NNMT: variants seen among roughly 807,000 people sequenced by gnomAD.
NNMT encodes the protein nicotinamide N-methyltransferase.
NNMT carries 10 observed loss-of-function variants against 11.7 expected under a neutral mutation model. The ratio of observed to expected loss-of-function variants is 0.85; its 90% confidence interval spans 0.53 to 1.45. The LOEUF (loss-of-function observed/expected upper bound fraction) is 1.45, where lower values mean the gene tolerates loss of function less well. Ranked by LOEUF, NNMT falls within the 40% of genes most tolerant of loss-of-function variation. The probability of loss-of-function intolerance (pLI) is 0.00; values close to 1 mark genes in which losing one functional copy is unlikely to be tolerated. For missense variants in NNMT, 381 were observed against 319.4 expected, an observed-to-expected ratio of 1.19 and a Z score of -1.47; for synonymous variants, 143 against 133.8, an observed-to-expected ratio of 1.07 and a Z score of -0.48.
chr11:114,295,549 C>T (rs1446155825), upstream of NNMT, among the ~76,000 whole-genome samples: 1 of 151,276 alleles, frequency 6.6e-6, no homozygotes, highest in Admixed American at 6.6e-5. Context: ...CTCAGCCTCC[C>T]AAGTAGCTGG....
chr11:114,299,825 C>T (rs1158418974), intron 2 of NNMT, among the ~76,000 whole-genome samples: 1 of 150,752 alleles, frequency 6.6e-6, no homozygotes, highest in African/African-American at 2.4e-5. Context: ...CCTTTTAATA[C>T]CTTATTATGT....
rs533183539 is a variant in NNMT at position 114,259,722 on chromosome 11, A to G, written c.-217+1844A>G. ...AAGTGAACTCGCTCATTTAAACCTG[A>G]CTCTGCCGCCCTGCAGCCCCCTGCA... On this transcript the variant is annotated intron_variant, in intron 1 of 4. Transcript: ENST00000535401. Among the ~76,000 whole-genome samples, 5 of 152,050 alleles carry G rather than the reference A, an allele frequency of 3.3e-5. No homozygotes were observed. The East Asian group carries it at 5.8e-4, about 18-fold the overall frequency.
intron 2 of NNMT, among the ~76,000 whole-genome samples, chr11:114,310,600 A>G (rs1230198191): frequency 6.6e-6 from 1 of 152,232 alleles, no homozygotes; most frequent in Non-Finnish European, 1.5e-5. Flanking sequence ...ATGTGGGGCC[A>G]TCTCTGCTGT....
At chr11:114,291,046 T>C (rs1053532190) in intron 2 of NNMT, among the ~76,000 whole-genome samples, 6 of 152,236 alleles carry the variant, frequency 3.9e-5, no homozygotes, top group Non-Finnish European at 7.3e-5. Context: ...ATATTTTGCT[T>C]GTGATTCACT....
At position 114,258,083 on chromosome 11, in the gene NNMT, G is replaced by A. The variant is rs367866349; in HGVS notation, c.-217+205G>A. Among the ~76,000 whole-genome samples, 30 of 152,278 alleles carry A rather than the reference G, an allele frequency of 2.0e-4. No individual in the cohort carries two copies. The East Asian group carries it at 2.1e-3, about 11-fold the overall frequency. ...CCCACTGCCGCCCCCTGCCAGCCCC[G>A]GCTGCCACTGCCCTCTGCCCCAACC... On this transcript the variant is annotated intron_variant, in intron 1 of 4. Coordinates refer to the NNMT transcript ENST00000535401.
chr11:114,272,322 G>T (rs1488523645), intron 2 of NNMT, among the ~76,000 whole-genome samples: 2 of 152,186 alleles, frequency 1.3e-5, no homozygotes, highest in Admixed American at 6.5e-5. Flanking sequence ...GATTAAGTCA[G>T]AAGCTCATCT....
In NNMT at chr11:114,259,421, G is replaced by A. The variant is rs909510717; in HGVS notation, c.-217+1543G>A. Reference sequence around the variant, plus strand: ...ATAGACCACCTGACCCGTGTCTGCCGCATGCCAGAGGAAGGAGCAGGAGGC... The same window carrying A: ...ATAGACCACCTGACCCGTGTCTGCCACATGCCAGAGGAAGGAGCAGGAGGC... On this transcript the variant is annotated intron_variant, in intron 1 of 4. Coordinates refer to the NNMT transcript ENST00000535401. 4.8e-4 allele frequency among the ~76,000 whole-genome samples: 72 copies of A among 151,492 alleles called. 1 individual carries two copies. The highest frequency in any genetic ancestry group is 1.7e-3 in the African/African-American group (70 of 41,094).
At chr11:114,279,078 G>A (rs1049628973) in intron 2 of NNMT, among the ~76,000 whole-genome samples, 1 of 152,150 alleles carries the variant, frequency 6.6e-6, no homozygotes, top group African/African-American at 2.4e-5. Flanking sequence ...TGTTAGTTAT[G>A]TGAACATTCA....
intron 2 of NNMT, among the ~76,000 whole-genome samples, chr11:114,281,038 C>T (rs961336954): frequency 4.6e-5 from 7 of 152,186 alleles, no homozygotes; most frequent in African/African-American, 1.7e-4. Flanking sequence ...AAAGCCAACC[C>T]AGACCTGCTG....
intron 2 of NNMT, among the ~76,000 whole-genome samples, chr11:114,286,353 C>A (rs2135261511): frequency 6.6e-6 from 1 of 152,288 alleles, no homozygotes; most frequent in African/African-American, 2.4e-5. Context: ...CACTGGTTAG[C>A]ATTGCAGGAT....
chr11:114,302,062 T>G (rs1945444027), intron 2 of NNMT, among the ~76,000 whole-genome samples: 1 of 152,102 alleles, frequency 6.6e-6, no homozygotes, highest in South Asian at 2.1e-4. Context: ...TTTTCTACCC[T>G]TCTGTTTTCA....
Position 114,300,431 on chromosome 11 carries a change from T to C in NNMT, c.362+2273T>C, listed in dbSNP as rs554668595. 3.3e-5 allele frequency among the ~76,000 whole-genome samples: 5 copies of C among 152,334 alleles called. No individual in the cohort carries two copies. In the South Asian group the frequency reaches 1.0e-3, roughly 32 times the overall value. ...TGTAGTCAGAGATTTATTTTGTGGCTCTGCATATGGTCTATCTCAGTAAAC... is the reference window on the plus strand; with the variant it reads ...TGTAGTCAGAGATTTATTTTGTGGCCCTGCATATGGTCTATCTCAGTAAAC... On this transcript the variant is annotated intron_variant, in intron 2 of 2. Coordinates refer to ENST00000299964, the MANE Select transcript of NNMT (RefSeq NM_006169.3).
intron 1 of NNMT, chr11:114,262,788 C>A (rs1423991172): frequency 3.9e-5 from 6 of 152,236 alleles, no homozygotes; most frequent in African/African-American, 1.4e-4. Context: ...CTCCCTATCA[C>A]CTGTCAGCAC....
intron 2 of NNMT, among the ~76,000 whole-genome samples, chr11:114,285,946 G>A (rs1945295518): frequency 1.3e-5 from 2 of 152,212 alleles, no homozygotes; most frequent in African/African-American, 4.8e-5. Context: ...GGGGCCCTCT[G>A]ATCTACAGTA....
At chr11:114,297,857 G>A (rs1166042126) in intron 1 of NNMT, 94 bp from the exon 2 acceptor site, 21 of 1,053,134 alleles carry the variant, frequency 2.0e-5, no homozygotes, top group Admixed American at 1.9e-4. Context: ...TTTGAGGATC[G>A]CCAGCACAGT....
chr11:114,302,968 G>A (rs1945452297), intron 2 of NNMT, among the ~76,000 whole-genome samples: 1 of 152,118 alleles, frequency 6.6e-6, no homozygotes, highest in South Asian at 2.1e-4. Context: ...GACCAGGCTG[G>A]CATCCTAATC....
chr11:114,262,100 C>G (rs1945087973), intron 1 of NNMT, among the ~76,000 whole-genome samples: 1 of 152,202 alleles, frequency 6.6e-6, no homozygotes, highest in African/African-American at 2.4e-5. Flanking sequence ...TCCTGAGGTC[C>G]TGAACCTTCC....
In NNMT at chr11:114,296,529, T is replaced by C. The variant is rs1288942559; in HGVS notation, c.-28T>C. ...TCTGGAGGAAAGAGAAGGAGGGCAG[T>C]GCTCCAGTGGTACAGAAGTGAGACA... On this transcript the variant is annotated 5_prime_UTR_variant, in exon 1 of 3. Transcript: ENST00000299964. 1.2e-6 allele frequency: 2 copies of C among 1,608,918 alleles called. No individual in the cohort carries two copies. Among genetic ancestry groups the C allele is most frequent in the Non-Finnish European group, 1.7e-6 (2 of 1,177,396 alleles).
At chr11:114,269,406 A>C (rs888666487) in intron 2 of NNMT, 1 of 152,208 alleles carries the variant, frequency 6.6e-6, no homozygotes, top group Non-Finnish European at 1.5e-5. Context: ...CTGGGCTCTC[A>C]ACAATCCCTA....
Sources: gnomAD v4.1 joint callset for allele counts (sites outside exome capture counted in the v4.1 genomes callset) on GRCh38, gnomAD v4.1.1 for gene constraint, MANE v1.5 for transcripts, NCBI Gene and HGNC (gene_info 2026-07-23, HGNC 2026-07-21) for gene names.